STAC: variants seen among roughly 807,000 people sequenced by gnomAD.
The protein encoded by STAC is SH3 and cysteine rich domain.
Under a neutral mutation model 48.8 loss-of-function variants are expected in STAC, and 43 were observed. The observed-to-expected ratio is 0.88, with a 90% CI of 0.69 to 1.14. The LOEUF (loss-of-function observed/expected upper bound fraction) is 1.14, where lower values mean the gene tolerates loss of function less well. STAC is among the 50% of genes most tolerant of loss of function. The pLI is 0.00. For missense variants in STAC, 497 were observed against 504.0 expected, an observed-to-expected ratio of 0.99 and a Z score of 0.13; for synonymous variants, 193 against 179.5, an observed-to-expected ratio of 1.07 and a Z score of -0.60.
intron 2 of STAC, among the ~76,000 whole-genome samples, chr3:36,454,475 C>T (rs1282909003): frequency 6.6e-6 from 1 of 152,166 alleles, no homozygotes; most frequent in Non-Finnish European, 1.5e-5. Flanking sequence ...CCATTAAGAA[C>T]TGTAACACTC....
At chr3:36,539,085 T>C (rs1473875596) in intron 10 of STAC, among the ~76,000 whole-genome samples, 1 of 152,240 alleles carries the variant, frequency 6.6e-6, no homozygotes, top group African/African-American at 2.4e-5. Flanking sequence ...ACTTTGATTT[T>C]TCTGAAGTTT....
At chr3:36,476,481 A>C (rs1018856883) in intron 2 of STAC, among the ~76,000 whole-genome samples, 2 of 152,180 alleles carry the variant, frequency 1.3e-5, no homozygotes, top group Admixed American at 6.5e-5. Flanking sequence ...CTTACCAGAA[A>C]CCATAAATGA....
intron 8 of STAC, among the ~76,000 whole-genome samples, chr3:36,507,066 A>G (rs188317328): frequency 2.6e-4 from 40 of 152,306 alleles, no homozygotes; most frequent in African/African-American, 9.4e-4. Flanking sequence ...TGGGTTTGTC[A>G]TAAGTAGCTC....
At chr3:36,461,808 C>G (rs1017288193) in intron 2 of STAC, among the ~76,000 whole-genome samples, 1 of 152,028 alleles carries the variant, frequency 6.6e-6, no homozygotes, top group African/African-American at 2.4e-5. Flanking sequence ...AGCCACAGGC[C>G]AGTGTGGGTC....
At chr3:36,516,892 A>G (rs1220504054) in intron 8 of STAC, among the ~76,000 whole-genome samples, 3 of 152,132 alleles carry the variant, frequency 2.0e-5, no homozygotes, top group Admixed American at 6.6e-5. Flanking sequence ...TTCACAATGT[A>G]TTTTCTCTCC....
chr3:36,477,332 A>G (rs1340898429), intron 2 of STAC, among the ~76,000 whole-genome samples: 4 of 152,170 alleles, frequency 2.6e-5, no homozygotes, highest in Non-Finnish European at 4.4e-5. Context: ...AGTAATCTCA[A>G]TAGTAAATCA....
At chr3:36,442,917 G>C (rs1696393480) in intron 1 of STAC, among the ~76,000 whole-genome samples, 1 of 152,164 alleles carries the variant, frequency 6.6e-6, no homozygotes, top group African/African-American at 2.4e-5. Flanking sequence ...CTTCTGCTTT[G>C]CTGTGTGCAG....
chr3:36,480,781 T>C (rs1251312367), intron 2 of STAC, among the ~76,000 whole-genome samples: 1 of 152,156 alleles, frequency 6.6e-6, no homozygotes, highest in East Asian at 1.9e-4. Context: ...TTCCACGAAT[T>C]ATCTCAAACC....
chr3:36,392,525 T>C (rs777022027), intron 1 of STAC, among the ~76,000 whole-genome samples: 16 of 152,002 alleles, frequency 1.1e-4, no homozygotes, highest in Non-Finnish European at 1.6e-4. Flanking sequence ...TATTTATTTA[T>C]TTACTTACTT....
intron 5 of STAC, among the ~76,000 whole-genome samples, chr3:36,492,142 T>C (rs535514900): frequency 7.2e-6 from 1 of 139,382 alleles, no homozygotes; most frequent in South Asian, 2.5e-4. Context: ...CTGGGTCACG[T>C]GGCCCTTTGA....
At chr3:36,424,681 G>T (rs1041361201) in intron 1 of STAC, among the ~76,000 whole-genome samples, 5 of 152,232 alleles carry the variant, frequency 3.3e-5, no homozygotes, top group African/African-American at 1.2e-4. Flanking sequence ...ATCTTGTAGT[G>T]TTAAAAAGTA....
chr3:36,546,087 T>A (rs1699437355), intron 10 of STAC, 104 bp from the exon 11 acceptor site: 1 of 879,154 alleles, frequency 1.1e-6, no homozygotes, highest in African/African-American at 1.7e-5. Flanking sequence ...CTTTTCCAGT[T>A]TGTTGCTCCT....
intron 1 of STAC, among the ~76,000 whole-genome samples, chr3:36,396,454 C>T (rs900801835): frequency 2.6e-5 from 4 of 152,090 alleles, no homozygotes; most frequent in Admixed American, 6.5e-5. Flanking sequence ...TACTACTATA[C>T]AAAGTTAGTC....
At chr3:36,457,159 A>G (rs73831053) in intron 2 of STAC, among the ~76,000 whole-genome samples, 3,664 of 152,300 alleles carry the variant, frequency 0.024, 134 homozygotes, top group African/African-American at 0.082. Context: ...AGTCATCAAC[A>G]GTGCCACAGG....
intron 1 of STAC, among the ~76,000 whole-genome samples, chr3:36,441,945 G>GT (rs11389119): frequency 0.21 from 32,572 of 151,598 alleles, 3,533 homozygotes; most frequent in Middle Eastern, 0.25. Context: ...GGAGGTTTGT[G>GT]TTTTTTTTGC....
chr3:36,464,239 T>C (rs1697101445), intron 2 of STAC, among the ~76,000 whole-genome samples: 1 of 152,310 alleles, frequency 6.6e-6, no homozygotes, highest in East Asian at 1.9e-4. Context: ...TATCTCATTG[T>C]GGTTTTGATT....
rs892167513 is a variant in STAC, at chr3:36,475,929, A to G, written c.389-7063A>G. Among the ~76,000 whole-genome samples the G allele has an allele frequency of 1.3e-5, 2 of 152,180 alleles. 1 individual carries two copies. Among genetic ancestry groups the G allele is most frequent in the South Asian group, 4.1e-4 (2 of 4,832 alleles). ...CTTCAGGGTACCTGGGAGGTTGGAG[A>G]GTTCTAGATGCAGTCACATTAGAAC... On this transcript the variant is annotated intron_variant, in intron 2 of 10. Coordinates refer to ENST00000273183, the MANE Select transcript of STAC (RefSeq NM_003149.3).
intron 2 of STAC, among the ~76,000 whole-genome samples, chr3:36,463,935 T>C (rs920782405): frequency 2.6e-5 from 4 of 152,114 alleles, no homozygotes; most frequent in Admixed American, 6.5e-5. Context: ...ACATTTGGGT[T>C]GGTTCCAAGT....
chr3:36,531,507 G>A (rs938208859), intron 10 of STAC, among the ~76,000 whole-genome samples: 44 of 152,154 alleles, frequency 2.9e-4, no homozygotes, highest in African/African-American at 1.1e-3. Flanking sequence ...TGCAGACAGG[G>A]CCTGAAGCCC....
Sources: allele counts gnomAD v4.1 joint callset (sites outside exome capture counted in the v4.1 genomes callset), GRCh38; gene constraint gnomAD v4.1.1; transcripts MANE v1.5; gene names NCBI Gene and HGNC (gene_info 2026-07-23, HGNC 2026-07-21).